CAMKMT: variants seen among roughly 807,000 people sequenced by gnomAD.
CAMKMT encodes CaM KMT.
CAMKMT carries 53 observed loss-of-function variants against 48.0 expected under a neutral mutation model. That is an observed-to-expected ratio of 1.10 (90% CI 0.89 to 1.39). CAMKMT has a LOEUF of 1.39. Among genes scored for constraint, CAMKMT ranks in the 40% most tolerant of loss-of-function variants. CAMKMT has a pLI of 0.00. For missense variants in CAMKMT, 428 were observed against 402.7 expected, an observed-to-expected ratio of 1.06 and a Z score of -0.54; for synonymous variants, 165 against 152.3, an observed-to-expected ratio of 1.08 and a Z score of -0.61.
At chr2:44,614,512 C>T (rs760044323) in intron 3 of CAMKMT, among the ~76,000 whole-genome samples, 5 of 152,078 alleles carry the variant, frequency 3.3e-5, no homozygotes, top group Non-Finnish European at 7.4e-5. Flanking sequence ...AAATCTCTGC[C>T]TTCATGAAGG....
intron 3 of CAMKMT, among the ~76,000 whole-genome samples, chr2:44,466,464 A>T (rs1046491501): frequency 4.6e-5 from 7 of 152,182 alleles, no homozygotes; most frequent in African/African-American, 1.2e-4. Context: ...ATTAGAAAAC[A>T]TCTGAAGGCA....
intron 3 of CAMKMT, among the ~76,000 whole-genome samples, chr2:44,555,726 G>A (rs1667971247): frequency 6.6e-6 from 1 of 152,178 alleles, no homozygotes; most frequent in African/African-American, 2.4e-5. Context: ...TATATAGACT[G>A]AAACAGACTG....
intron 2 of CAMKMT, among the ~76,000 whole-genome samples, chr2:44,385,087 C>G (rs564306175): frequency 5.3e-5 from 8 of 152,116 alleles, no homozygotes; most frequent in Non-Finnish European, 1.0e-4. Context: ...GTCATTTTCA[C>G]CATATTGATT....
At chr2:44,385,507 T>C (rs927574983) in intron 2 of CAMKMT, among the ~76,000 whole-genome samples, 7 of 151,588 alleles carry the variant, frequency 4.6e-5, no homozygotes, top group Non-Finnish European at 7.4e-5. Flanking sequence ...CTTCCAGTAC[T>C]ATGTTGAAGA....
intron 3 of CAMKMT, among the ~76,000 whole-genome samples, chr2:44,624,459 T>C (rs1335201009): frequency 6.6e-6 from 1 of 152,144 alleles, no homozygotes; most frequent in Non-Finnish European, 1.5e-5. Flanking sequence ...GTATATCTCC[T>C]AATGCTGTCC....
chr2:44,471,277 C>T (rs1668403868), intron 3 of CAMKMT, among the ~76,000 whole-genome samples: 2 of 152,070 alleles, frequency 1.3e-5, no homozygotes, highest in Admixed American at 1.3e-4. Context: ...AGGGGTGAGC[C>T]ACCGCGCCCG....
chr2:44,549,097 C>T (rs926768785), intron 3 of CAMKMT, among the ~76,000 whole-genome samples: 7 of 152,100 alleles, frequency 4.6e-5, no homozygotes, highest in African/African-American at 1.7e-4. Flanking sequence ...ACATGATCCC[C>T]TTTTTCTGTT....
intron 3 of CAMKMT, among the ~76,000 whole-genome samples, chr2:44,658,693 A>G (rs1269575982): frequency 6.6e-6 from 1 of 152,176 alleles, no homozygotes; most frequent in African/African-American, 2.4e-5. Flanking sequence ...TGCTTTCCAC[A>G]AGATTACTAT....
chr2:44,581,989 ACTCCGT>A (rs1669593845), intron 3 of CAMKMT, among the ~76,000 whole-genome samples: 1 of 152,216 alleles, frequency 6.6e-6, no homozygotes, highest in African/African-American at 2.4e-5. Context: ...ACAAAGCGAG[ACTCCGT>A]CTCAAAAACA....
intron 3 of CAMKMT, among the ~76,000 whole-genome samples, chr2:44,494,280 G>A (rs1388227284): frequency 2.0e-5 from 3 of 152,188 alleles, no homozygotes; most frequent in Non-Finnish European, 4.4e-5. Flanking sequence ...TGATGGAAAT[G>A]TCAACTCTTG....
chr2:44,549,458 C>T (rs13425435), intron 3 of CAMKMT: 14 of 662,336 alleles, frequency 2.1e-5, no homozygotes, highest in Admixed American at 1.8e-4. Flanking sequence ...TCAGTTTTTC[C>T]TGTCCAGTCA....
intron 6 of CAMKMT, among the ~76,000 whole-genome samples, chr2:44,709,282 G>A (rs1016131925): frequency 2.0e-5 from 3 of 152,124 alleles, no homozygotes; most frequent in Admixed American, 2.0e-4. Flanking sequence ...TTAATATAGC[G>A]GGGTGCCAAA....
At chr2:44,715,652 TC>T (rs951542835) in intron 7 of CAMKMT, among the ~76,000 whole-genome samples, 1 of 152,184 alleles carries the variant, frequency 6.6e-6, no homozygotes, top group Admixed American at 6.5e-5. Context: ...GCCTGGGAAC[TC>T]CTTAAATGGC....
At chr2:44,484,472 G>A (rs1262278550) in intron 3 of CAMKMT, among the ~76,000 whole-genome samples, 1 of 151,940 alleles carries the variant, frequency 6.6e-6, no homozygotes, top group Non-Finnish European at 1.5e-5. Context: ...GCAAAACAAT[G>A]AAGATGGATG....
intron 3 of CAMKMT, among the ~76,000 whole-genome samples, chr2:44,436,483 T>C (rs1235529764): frequency 6.6e-6 from 1 of 152,132 alleles, no homozygotes; most frequent in Admixed American, 6.5e-5. Flanking sequence ...CAGACAAGGA[T>C]TGGGAAACTT....
intron 3 of CAMKMT, among the ~76,000 whole-genome samples, chr2:44,551,185 CT>C (rs1667696468): frequency 6.6e-6 from 1 of 152,122 alleles, no homozygotes; most frequent in Non-Finnish European, 1.5e-5. Context: ...GATCTTTATT[CT>C]CTCAGATTGC....
chr2:44,719,908 A>G (rs1392158137), intron 7 of CAMKMT, among the ~76,000 whole-genome samples: 2 of 152,212 alleles, frequency 1.3e-5, no homozygotes, highest in Non-Finnish European at 2.9e-5. Context: ...TATACCTGTT[A>G]GTGAGTTTTG....
chr2:44,677,136 C>G (rs1038496096), intron 3 of CAMKMT, among the ~76,000 whole-genome samples: 4 of 152,140 alleles, frequency 2.6e-5, no homozygotes, highest in Non-Finnish European at 5.9e-5. Flanking sequence ...TTGTGACCTA[C>G]AAAATTTATT....
intron 3 of CAMKMT, among the ~76,000 whole-genome samples, chr2:44,401,916 C>T (rs1682406384): frequency 1.3e-5 from 2 of 152,068 alleles, no homozygotes; most frequent in African/African-American, 4.8e-5. Context: ...GTTCTAAATT[C>T]CATGGCTTCC....
Sources: allele counts gnomAD v4.1 joint callset (sites outside exome capture counted in the v4.1 genomes callset), GRCh38; gene constraint gnomAD v4.1.1; transcripts MANE v1.5; gene names NCBI Gene and HGNC (gene_info 2026-07-23, HGNC 2026-07-21).